Variants in CCPG1 observed in about 807,000 individuals in gnomAD.
CCPG1 encodes cell cycle progression 1.
In CCPG1, 46 loss-of-function variants were observed where a neutral mutation model predicts 81.3. The observed-to-expected ratio is 0.57, with a 90% CI of 0.45 to 0.72. The LOEUF is 0.72. Among genes scored for constraint, CCPG1 ranks in the 30% least tolerant of loss-of-function variants. CCPG1 has a pLI of 0.00. For synonymous variants in CCPG1, 330 were observed against 305.2 expected, an observed-to-expected ratio of 1.08 and a Z score of -0.85; for missense variants, 902 against 937.6, an observed-to-expected ratio of 0.96 and a Z score of 0.50.
At chr15:55,404,084 C>T (rs1566986641) in intron 1 of CCPG1, among the ~76,000 whole-genome samples, 2 of 151,994 alleles carry the variant, frequency 1.3e-5, no homozygotes, top group African/African-American at 4.8e-5. Context: ...GACCCAAAGC[C>T]TAATAACATA....
At chr15:55,364,251 C>A in intron 7 of CCPG1, among the ~76,000 whole-genome samples, 1 of 150,460 alleles carries the variant, frequency 6.6e-6, no homozygotes. Flanking sequence ...TCCTGTGAGA[C>A]GAGATCTAGG....
In CCPG1 at chr15:55,360,313, C is replaced by T. The variant is rs748705203; in HGVS notation, c.1460G>A (p.Gly487Asp). The change falls in exon 8 of 9, where the codon GGT becomes GAT. Residue 487 changes from glycine to aspartate, a missense_variant. By Grantham distance (94) the Gly-to-Asp change is moderately conservative. Coordinates refer to ENST00000442196, the MANE Select transcript of CCPG1 (RefSeq NM_001204450.2). Reference protein sequence around the residue: ...AKNKSKETFLGSVKETFDAMK... With the variant: ...AKNKSKETFLDSVKETFDAMK... Reference sequence around the variant, plus strand: ...GGCATCAAATGTTTCCTTAACTGAACCCAAAAATGTTTCCTTTGACTTATT... The same window carrying T: ...GGCATCAAATGTTTCCTTAACTGAATCCAAAAATGTTTCCTTTGACTTATT... The T allele has an allele frequency of 1.4e-5, 23 of 1,613,664 alleles. No homozygotes were observed. Among genetic ancestry groups the T allele is most frequent in the Admixed American group, 6.7e-5 (4 of 59,932 alleles).
chr15:55,371,940 C>G lies in CCPG1; in HGVS notation c.559G>C (p.Ala187Pro), dbSNP rs757399835. 3.7e-6 allele frequency: 6 copies of G among 1,614,060 alleles called. No individual in the cohort carries two copies. The highest frequency in any genetic ancestry group is 2.2e-5 in the South Asian group (2 of 91,094). ...RRRARKKTVS[A>P]SESEDRLVAE... ...ACTAGCCGGTCTTCAGATTCTGAAGCAGAAACGGTCTTCTTCCTAGCACGG... is the reference window on the plus strand; with the variant it reads ...ACTAGCCGGTCTTCAGATTCTGAAGGAGAAACGGTCTTCTTCCTAGCACGG... The change falls in exon 6 of 9, where the codon GCT becomes CCT. Residue 187 changes from alanine to proline, a missense_variant. Physicochemically the swap from Ala to Pro is conservative, Grantham distance 27. Transcript: ENST00000442196.
chr15:55,394,705 G>T (rs1170055740), intron 1 of CCPG1, among the ~76,000 whole-genome samples: 1 of 151,848 alleles, frequency 6.6e-6, no homozygotes, highest in Non-Finnish European at 1.5e-5. Context: ...AATAAATACA[G>T]AAATTGATCC....
chr15:55,399,445 C>G (rs539890770), intron 1 of CCPG1, among the ~76,000 whole-genome samples: 3 of 147,044 alleles, frequency 2.0e-5, no homozygotes, highest in East Asian at 3.9e-4. Context: ...AAAAACTAGC[C>G]GGGCATGGTG....
At chr15:55,368,178 C>T (rs2056371066) in intron 6 of CCPG1, among the ~76,000 whole-genome samples, 1 of 152,104 alleles carries the variant, frequency 6.6e-6, no homozygotes, top group Non-Finnish European at 1.5e-5. Flanking sequence ...TATGGGGGTG[C>T]ATCCTGGAAC....
In CCPG1 at chr15:55,408,353, G is replaced by A; in HGVS notation, c.-142C>T. ...GTCTGCAGCCGGCAGGCGGTGACCG[G>A]CTGGGCGCCGCAGTGCATGCCGTGA... is the stretch of plus-strand genomic sequence containing the variant. On this transcript the variant is annotated 5_prime_UTR_variant, in exon 1 of 9. Coordinates refer to ENST00000442196, the MANE Select transcript of CCPG1 (RefSeq NM_001204450.2). 1 of 161,798 alleles carries A rather than the reference G, an allele frequency of 6.2e-6. No homozygotes were observed. The highest frequency in any genetic ancestry group is 1.3e-5 in the Non-Finnish European group (1 of 74,338). The allele number at this position is 161,798 out of a possible 1,614,324, so 10.0% of individuals were successfully genotyped here.
intron 3 of CCPG1, among the ~76,000 whole-genome samples, chr15:55,384,876 A>C (rs916899744): frequency 6.6e-6 from 1 of 152,218 alleles, no homozygotes; most frequent in Non-Finnish European, 1.5e-5. Context: ...CTCCATCAAC[A>C]TGATAATAAC....
At chr15:55,384,980 C>G (rs2056771106) in intron 3 of CCPG1, among the ~76,000 whole-genome samples, 1 of 152,044 alleles carries the variant, frequency 6.6e-6, no homozygotes, top group South Asian at 2.1e-4. Flanking sequence ...AAACAAATGA[C>G]AAGGAAATAG....
chr15:55,385,954 C>G (rs2056789853), intron 2 of CCPG1, among the ~76,000 whole-genome samples: 1 of 152,144 alleles, frequency 6.6e-6, no homozygotes, highest in Non-Finnish European at 1.5e-5. Flanking sequence ...GTGGAATGCT[C>G]TATTTTATGA....
chr15:55,360,136 T>A lies in CCPG1; in HGVS notation c.1637A>T (p.Glu546Val). ...AGCACCAAATCTTTTATTACCCTTTTCATCAAAGATATTCTTGGTGGTATC... is the reference window on the plus strand; with the variant it reads ...AGCACCAAATCTTTTATTACCCTTTACATCAAAGATATTCTTGGTGGTATC... ...FKDTTKNIFD[E>V]KGNKRFGATK... Residue 546 changes from glutamate (E) to valine (V), a missense_variant, in exon 8 of 9, where the codon GAA becomes GTA. Coordinates refer to ENST00000442196, the MANE Select transcript of CCPG1 (RefSeq NM_001204450.2). The A allele has an allele frequency of 6.2e-7, 1 of 1,613,798 alleles. No homozygotes were observed. Among genetic ancestry groups the A allele is most frequent in the South Asian group, 1.1e-5 (1 of 91,000 alleles).
chr15:55,359,964 G>A lies in CCPG1; in HGVS notation c.1809C>T (p.Phe603=). The change falls in exon 8 of 9, where the codon TTC becomes TTT. Residue 603 remains phenylalanine (F), a synonymous_variant. Coordinates refer to ENST00000442196, the MANE Select transcript of CCPG1 (RefSeq NM_001204450.2). The part of the protein sequence containing the change: ...RKEKPVHFKE[F]RKNTNSKKCS... ...ATTTCTTTGAATTTGTATTTTTTCT[G>A]AATTCTTTAAAGTGAACTGGCTTTT... The A allele has an allele frequency of 6.2e-7, 1 of 1,612,700 alleles. No homozygotes were observed. Among genetic ancestry groups the A allele is most frequent in the Non-Finnish European group, 8.5e-7 (1 of 1,179,718 alleles).
At chr15:55,392,289 A>C (rs2056936330) in intron 1 of CCPG1, among the ~76,000 whole-genome samples, 1 of 144,308 alleles carries the variant, frequency 6.9e-6, no homozygotes, top group Non-Finnish European at 1.5e-5. Flanking sequence ...TCGGCTCACC[A>C]CAACCTCTGA....
chr15:55,359,091 A>G (rs1224252771), intron 8 of CCPG1: 1 of 984,664 alleles, frequency 1.0e-6, no homozygotes, highest in Non-Finnish European at 1.2e-6. Context: ...GACAAGTGAA[A>G]ATAGGTGGGA....
At chr15:55,398,623 C>G (rs1482245505) in intron 1 of CCPG1, among the ~76,000 whole-genome samples, 1 of 151,892 alleles carries the variant, frequency 6.6e-6, no homozygotes, top group Non-Finnish European at 1.5e-5. Context: ...CACTCTGTCT[C>G]CAGGCTGGAG....
intron 5 of CCPG1, among the ~76,000 whole-genome samples, chr15:55,376,489 G>A (rs536717731): frequency 6.6e-6 from 1 of 152,128 alleles, no homozygotes; most frequent in African/African-American, 2.4e-5. Context: ...CTTGAACTCT[G>A]TTTCACATAT....
intron 8 of CCPG1, chr15:55,357,954 TC>T (rs2056116110): frequency 6.6e-6 from 1 of 152,274 alleles, no homozygotes; most frequent in African/African-American, 2.4e-5. Flanking sequence ...ATGTGAATCA[TC>T]CTTTTCTTGT....
intron 1 of CCPG1, among the ~76,000 whole-genome samples, chr15:55,407,131 G>A (rs1019017993): frequency 1.3e-5 from 2 of 151,590 alleles, no homozygotes; most frequent in African/African-American, 2.4e-5. Context: ...GGGAGGCTGA[G>A]GCAGGAGAAT....
intron 3 of CCPG1, among the ~76,000 whole-genome samples, chr15:55,383,748 G>A (rs1002721427): frequency 2.6e-5 from 4 of 152,132 alleles, no homozygotes; most frequent in Non-Finnish European, 4.4e-5. Flanking sequence ...GCTAGCTTCC[G>A]CCTTTCTTTC....
Sources: gnomAD v4.1 joint callset for allele counts (sites outside exome capture counted in the v4.1 genomes callset) on GRCh38, gnomAD v4.1.1 for gene constraint, MANE v1.5 for transcripts, NCBI Gene and HGNC (gene_info 2026-07-23, HGNC 2026-07-21) for gene names.